The following OSBPL9 variants were observed in gnomAD, a reference collection of about 807,000 sequenced individuals.
The protein encoded by OSBPL9 is oxysterol-binding protein-related protein 9.
A neutral mutation model predicts 106.6 loss-of-function variants in OSBPL9; 40 were observed. The observed-to-expected ratio is 0.38, with a 90% CI of 0.29 to 0.49. OSBPL9 has a LOEUF of 0.49. Among genes scored for constraint, OSBPL9 ranks in the 20% least tolerant of loss-of-function variants. The pLI, the probability that OSBPL9 is intolerant of heterozygous loss-of-function variation, is 0.97. For synonymous variants in OSBPL9, 269 were observed against 295.4 expected (o/e 0.91, Z 0.92); for missense variants, 609 against 887.2 (o/e 0.69, Z 3.98).
the OSBPL9 span, among the ~76,000 whole-genome samples, chr1:51,528,303 A>G: frequency 6.6e-6 from 1 of 152,366 alleles, no homozygotes; most frequent in African/African-American, 2.4e-5. Context: ...ATCTATTGGA[A>G]TAAATGAGTT....
intron 1 of OSBPL9, among the ~76,000 whole-genome samples, chr1:51,594,132 C>G (rs187963127): frequency 6.6e-6 from 1 of 152,070 alleles, no homozygotes; most frequent in Non-Finnish European, 1.5e-5. Context: ...CGCAGTGGCT[C>G]ACGCCTGTAA....
the OSBPL9 span, among the ~76,000 whole-genome samples, chr1:51,567,014 C>G: frequency 6.6e-6 from 1 of 152,228 alleles, no homozygotes; most frequent in Non-Finnish European, 1.5e-5. Flanking sequence ...TCCTGCCTCT[C>G]TCCATGCTCC....
At chr1:51,780,139 A>G (rs949766463) in intron 15 of OSBPL9, among the ~76,000 whole-genome samples, 1 of 151,922 alleles carries the variant, frequency 6.6e-6, no homozygotes, top group Admixed American at 6.6e-5. Flanking sequence ...ACTAATTATC[A>G]GGGAAATGCA....
intron 3 of OSBPL9, chr1:51,708,264 C>CTTTTTTT (rs71063050): frequency 1.5e-5 from 2 of 130,274 alleles, no homozygotes; most frequent in African/African-American, 2.9e-5. Context: ...TTTTCTTTTT[C>CTTTTTTT]TTTTTTTTTT....
chr1:51,524,233 G>T, the OSBPL9 span, among the ~76,000 whole-genome samples: 1 of 152,208 alleles, frequency 6.6e-6, no homozygotes, highest in African/African-American at 2.4e-5. Flanking sequence ...AGCAGTAAGA[G>T]ATTTGTAAAT....
the OSBPL9 span, among the ~76,000 whole-genome samples, chr1:51,536,872 T>A: frequency 9.2e-5 from 14 of 152,200 alleles, no homozygotes; most frequent in African/African-American, 3.4e-4. Flanking sequence ...TTATTGATGG[T>A]GTTCACTTTG....
At chr1:51,688,681 A>G (rs747088588) in intron 3 of OSBPL9, among the ~76,000 whole-genome samples, 58 of 152,202 alleles carry the variant, frequency 3.8e-4, no homozygotes, top group Non-Finnish European at 7.9e-4. Context: ...TACATTTTGT[A>G]CTTAATGAAT....
intron 1 of OSBPL9, among the ~76,000 whole-genome samples, chr1:51,638,473 G>T (rs367850894): frequency 5.6e-4 from 86 of 152,302 alleles, no homozygotes; most frequent in African/African-American, 1.9e-3. Flanking sequence ...CATTCTGGGT[G>T]TGGTGGCTCA....
rs909365039 is a variant in OSBPL9, at chr1:51,756,240, A to G, written c.544-80A>G. On this transcript the variant is annotated intron_variant, in intron 8 of 23. Coordinates refer to ENST00000428468, the MANE Select transcript of OSBPL9 (RefSeq NM_024586.6). Reference sequence around the variant, plus strand: ...TAACATTATTACTTACCTAGTAAATAAGCTTTCTTGTAGGAGAAATACACA... The same window carrying G: ...TAACATTATTACTTACCTAGTAAATGAGCTTTCTTGTAGGAGAAATACACA... The G allele has an allele frequency of 2.4e-5, 29 of 1,216,414 alleles. No individual in the cohort carries two copies. In the Admixed American group the frequency reaches 4.6e-4, roughly 19 times the overall value. 75.4% of individuals were successfully genotyped at this position (1,216,414 alleles called of 1,614,324 possible).
At chr1:51,766,583 A>G (rs146163019) in intron 12 of OSBPL9, among the ~76,000 whole-genome samples, 1 of 152,336 alleles carries the variant, frequency 6.6e-6, no homozygotes, top group African/African-American at 2.4e-5. Context: ...GGTAGCTTAT[A>G]AACAACAGAA....
At chr1:51,556,111 C>T in the OSBPL9 span, among the ~76,000 whole-genome samples, 12 of 151,814 alleles carry the variant, frequency 7.9e-5, no homozygotes, top group African/African-American at 2.9e-4. Flanking sequence ...AAGCCTAGTC[C>T]CTATAAGTAA....
rs1645305836 is a variant in OSBPL9, at chr1:51,597,451, GTGTGTGTGTA to G, written c.-422-671_-422-662del. On this transcript the variant is annotated intron_variant, in intron 1 of 25. Coordinates refer to the OSBPL9 transcript ENST00000371714. ...TGTGTGTGTGTGTGTGTGTGTGTGT[GTGTGTGTGTA>G]TATACACACACACACAAAGGATAGA... 3.4e-5 allele frequency among the ~76,000 whole-genome samples: 5 copies of G among 148,802 alleles called. No individual in the cohort carries two copies. The South Asian group carries it at 1.1e-3, about 32-fold the overall frequency.
the OSBPL9 span, among the ~76,000 whole-genome samples, chr1:51,519,810 G>A: frequency 7.5e-3 from 1,138 of 152,242 alleles, 14 homozygotes; most frequent in African/African-American, 0.026. Context: ...TAGAATCCAA[G>A]TCTAACTGTA....
intron 2 of OSBPL9, among the ~76,000 whole-genome samples, chr1:51,611,736 C>T (rs911434277): frequency 6.6e-6 from 1 of 152,122 alleles, no homozygotes; most frequent in African/African-American, 2.4e-5. Context: ...TCTGGAAGGT[C>T]AAGGGGTGGG....
chr1:51,683,753 C>G (rs1472064024), intron 3 of OSBPL9, among the ~76,000 whole-genome samples: 1 of 151,776 alleles, frequency 6.6e-6, no homozygotes, highest in Non-Finnish European at 1.5e-5. Context: ...AGATCGCGCC[C>G]CTGCTCTCCA....
rs556683572 is a variant in OSBPL9, at chr1:51,698,737, A to G, written c.242-15266A>G. On this transcript the variant is annotated intron_variant, in intron 3 of 23. Coordinates refer to ENST00000428468, the MANE Select transcript of OSBPL9 (RefSeq NM_024586.6). ...ATTTGATAAAATACTGTAGTACTCA[A>G]AGTTGTTTTAACTAGCTCATTAAGT... Among the ~76,000 whole-genome samples the G allele has an allele frequency of 3.9e-5, 6 of 152,348 alleles. No individual in the cohort carries two copies. The South Asian group carries it at 1.2e-3, about 32-fold the overall frequency.
chr1:51,632,579 GC>G (rs1467115297), intron 1 of OSBPL9, among the ~76,000 whole-genome samples: 2 of 152,092 alleles, frequency 1.3e-5, no homozygotes, highest in Non-Finnish European at 2.9e-5. Context: ...TTCTGCAGAG[GC>G]CTTTGTAAAT....
At chr1:51,707,374 A>C (rs1658800721) in intron 3 of OSBPL9, 1 of 179,242 alleles carries the variant, frequency 5.6e-6, no homozygotes, top group South Asian at 1.1e-4. Flanking sequence ...TACCTTCTTA[A>C]TGTCATCGTA....
At chr1:51,737,072 T>A (rs1029651074) in intron 4 of OSBPL9, among the ~76,000 whole-genome samples, 1 of 152,090 alleles carries the variant, frequency 6.6e-6, no homozygotes, top group Non-Finnish European at 1.5e-5. Flanking sequence ...TTTGCTTGGT[T>A]ATATTGGCCA....
Sources: allele counts gnomAD v4.1 joint callset (sites outside exome capture counted in the v4.1 genomes callset), GRCh38; gene constraint gnomAD v4.1.1; transcripts MANE v1.5; gene names NCBI Gene and HGNC (gene_info 2026-07-23, HGNC 2026-07-21).